ALDH1L1: variants seen among roughly 807,000 people sequenced by gnomAD.
The protein encoded by ALDH1L1 is aldehyde dehydrogenase 1 family member L1, also known as cytosolic 10-formyltetrahydrofolate dehydrogenase.
A neutral mutation model predicts 101.1 loss-of-function variants in ALDH1L1; 68 were observed. The ratio of observed to expected loss-of-function variants is 0.67; its 90% CI spans 0.55 to 0.82. ALDH1L1 has a LOEUF of 0.82. Ranked by LOEUF, ALDH1L1 falls within the 40% of genes least tolerant of loss-of-function variation. ALDH1L1 has a pLI of 0.00. For synonymous variants in ALDH1L1, 486 were observed against 470.8 expected, an observed-to-expected ratio of 1.03 and a Z score of -0.42; for missense variants, 1,087 against 1,172.7, an observed-to-expected ratio of 0.93 and a Z score of 1.07.
intron 22 of ALDH1L1, chr3:126,104,687 G>C (rs552780279): frequency 6.6e-6 from 1 of 152,472 alleles, no homozygotes; most frequent in African/African-American, 2.4e-5. Context: ...CTACACATGC[G>C]TGCATGTGAG....
In ALDH1L1 at chr3:126,112,710, C is replaced by G. The variant is rs778487163; in HGVS notation, c.2181+72G>C. On this transcript the variant is annotated intron_variant, in intron 19 of 22. Coordinates refer to ENST00000393434, the MANE Select transcript of ALDH1L1 (RefSeq NM_012190.4). ...ACTTGACCCTGCCCTGTCTCCCCTC[C>G]TCCAACCCCCTCCAGCCAGGCGCTG... 4.1e-6 allele frequency: 6 copies of G among 1,457,682 alleles called. No homozygotes were observed. In the East Asian group the frequency reaches 1.4e-4, roughly 33 times the overall value. The allele number at this position is 1,457,682 out of a possible 1,614,324, so 90.3% of individuals were successfully genotyped here.
In ALDH1L1 at chr3:126,173,934, C is replaced by G. The variant is rs116604168; in HGVS notation, c.-24+6542G>C. ...TCCTTAATATGTATGTGCCTAACAA[C>G]AGTGCTAAAATGTGTAAAGCAAAAA... On this transcript the variant is annotated intron_variant, in intron 1 of 22. Transcript: ENST00000393434. 5.0e-3 allele frequency among the ~76,000 whole-genome samples: 764 copies of G among 152,326 alleles called. 6 individuals carry two copies. Among genetic ancestry groups the G allele is most frequent in the African/African-American group, 0.017 (690 of 41,570 alleles).
chr3:126,132,937 A>G (rs1576440012), intron 12 of ALDH1L1, among the ~76,000 whole-genome samples: 1 of 152,352 alleles, frequency 6.6e-6, no homozygotes, highest in East Asian at 1.9e-4. Flanking sequence ...GAGCGAGGCC[A>G]CCCTGGGCAA....
rs1228776422 is a variant in ALDH1L1 at position 126,137,846 on chromosome 3, C to T, written c.1191G>A (p.Gly397=). ...FIQLLVRKLR[G]DDEEGECSID... ...TGCTGCACTCGCCCTCCTCATCGTCCCCTCGCAGCTTCCTCACTAACAGCT... is the reference window on the plus strand; with the variant it reads ...TGCTGCACTCGCCCTCCTCATCGTCTCCTCGCAGCTTCCTCACTAACAGCT... The change falls in exon 10 of 23, where the codon GGG becomes GGA. Residue 397 remains glycine, a synonymous_variant. Transcript: ENST00000393434. The T allele has an allele frequency of 3.1e-6, 5 of 1,614,178 alleles. No homozygotes were observed. Among genetic ancestry groups the T allele is most frequent in the Non-Finnish European group, 3.4e-6 (4 of 1,180,024 alleles).
intron 16 of ALDH1L1, among the ~76,000 whole-genome samples, chr3:126,118,619 GCA>G (rs376543968): frequency 1.1e-4 from 17 of 152,232 alleles, no homozygotes; most frequent in African/African-American, 2.2e-4. Flanking sequence ...GGTAGCCCAA[GCA>G]AATCAACCCA....
intron 1 of ALDH1L1, among the ~76,000 whole-genome samples, chr3:126,171,251 T>C (rs987289127): frequency 1.8e-4 from 27 of 152,202 alleles, no homozygotes; most frequent in African/African-American, 6.0e-4. Flanking sequence ...TGAGCCGAGA[T>C]GGCGCCACTG....
chr3:126,164,596 A>G (rs560636632), intron 1 of ALDH1L1, among the ~76,000 whole-genome samples: 1 of 152,354 alleles, frequency 6.6e-6, no homozygotes, highest in South Asian at 2.1e-4. Flanking sequence ...GTGTATATGT[A>G]CATTTTATTT....
rs1366787496 is a variant in ALDH1L1, at chr3:126,103,717, C to T, written c.*74G>A. ...AGCCCCCCAGGTGGGAGGTGCTGTG[C>T]ACCCAGGCTCAAGAGGGAGGGGGCC... is the stretch of plus-strand genomic sequence containing the variant. On this transcript the variant is annotated 3_prime_UTR_variant, in exon 23 of 23. Coordinates refer to ENST00000393434, the MANE Select transcript of ALDH1L1 (RefSeq NM_012190.4). The T allele has an allele frequency of 2.6e-6, 4 of 1,522,060 alleles. No individual in the cohort carries two copies. The Admixed American group carries it at 5.4e-5, about 21-fold the overall frequency. 94.3% of individuals were successfully genotyped at this position (1,522,060 alleles called of 1,614,324 possible). A position where few individuals can be genotyped will look rare whatever the true frequency, so the allele number is the denominator to read the frequency against.
rs2080788722 is a variant in ALDH1L1, at chr3:126,150,536, A to G, written c.859-5T>C. On this transcript the variant is annotated splice_polypyrimidine_tract_variant and splice_region_variant and intron_variant, in intron 7 of 22. Coordinates refer to ENST00000393434, the MANE Select transcript of ALDH1L1 (RefSeq NM_012190.4). ...CTGAATATTCTTCACCAGCAGCTGC[A>G]AAAGGAAGGATTTCTTTTCTTTTCT... The G allele has an allele frequency of 6.5e-7, 1 of 1,550,028 alleles. No homozygotes were observed. Among genetic ancestry groups the G allele is most frequent in the Non-Finnish European group, 8.7e-7 (1 of 1,146,364 alleles).
chr3:126,114,836 T>C (rs1280591136), intron 17 of ALDH1L1, 180 bp from the exon 18 acceptor site: 1 of 615,810 alleles, frequency 1.6e-6, no homozygotes, highest in Admixed American at 2.3e-5. Context: ...CTGCCTTTCC[T>C]TTCTGGCCTG....
upstream of ALDH1L1, among the ~76,000 whole-genome samples, chr3:126,184,381 C>T (rs1039540823): frequency 6.6e-6 from 1 of 152,178 alleles, no homozygotes; most frequent in Non-Finnish European, 1.5e-5. Flanking sequence ...CAGCACAGAC[C>T]ACACTCTAAT....
rs565726728 is a variant in ALDH1L1, at chr3:126,114,299, T to TAC, written c.2082+256_2082+257dup. ...TTCCCAATTTCATATTTATATGTAA[T>TAC]ACACACACACACATATGTTATAGGC... On this transcript the variant is annotated intron_variant, in intron 18 of 22. Transcript: ENST00000393434. Among the ~76,000 whole-genome samples, 20 of 152,178 alleles carry TAC rather than the reference T, an allele frequency of 1.3e-4. No homozygotes were observed. The East Asian group carries it at 2.5e-3, about 19-fold the overall frequency.
chr3:126,181,791 G>A (rs1377698606), upstream of ALDH1L1, among the ~76,000 whole-genome samples: 1 of 152,204 alleles, frequency 6.6e-6, no homozygotes, highest in African/African-American at 2.4e-5. Context: ...AATGTTTGTT[G>A]AATGGCTTAA....
chr3:126,117,494 A>G (rs2079994483), intron 17 of ALDH1L1, among the ~76,000 whole-genome samples: 1 of 151,788 alleles, frequency 6.6e-6, no homozygotes, highest in Non-Finnish European at 1.5e-5. Context: ...ATCTCTATGA[A>G]AAACACAAAA....
chr3:126,141,305 A>C (rs2080563297), intron 9 of ALDH1L1, among the ~76,000 whole-genome samples: 1 of 152,118 alleles, frequency 6.6e-6, no homozygotes, highest in Non-Finnish European at 1.5e-5. Flanking sequence ...TAGATGCCCA[A>C]CTTTCAAAAA....
intron 19 of ALDH1L1, 159 bp from the exon 20 acceptor site, chr3:126,110,268 G>A: frequency 3.2e-6 from 3 of 936,204 alleles, no homozygotes; most frequent in Non-Finnish European, 4.7e-6. Flanking sequence ...CACCTTCCAG[G>A]CTGAAATCCC....
chr3:126,114,810 G>A (rs754314963), intron 17 of ALDH1L1, 154 bp from the exon 18 acceptor site: 9 of 523,236 alleles, frequency 1.7e-5, no homozygotes, highest in African/African-American at 4.9e-5. Flanking sequence ...CACCCCTTGC[G>A]GCTTCACACG....
chr3:126,158,192 T>TAGCAACACCTGCTCCCAGTGCTC (rs2080956142), intron 3 of ALDH1L1, among the ~76,000 whole-genome samples: 1 of 152,068 alleles, frequency 6.6e-6, no homozygotes, highest in Non-Finnish European at 1.5e-5. Flanking sequence ...GCAGAGTGCT[T>TAGCAACACCTGCTCCCAGTGCTC]AGCAACACCT....
chr3:126,149,136 G>T (rs2080758108), intron 8 of ALDH1L1, among the ~76,000 whole-genome samples: 1 of 152,174 alleles, frequency 6.6e-6, no homozygotes, highest in South Asian at 2.1e-4. Context: ...CTGGAATAAA[G>T]TCTCTGTTCT....
Sources: gnomAD v4.1 joint callset for allele counts (sites outside exome capture counted in the v4.1 genomes callset) on GRCh38, gnomAD v4.1.1 for gene constraint, MANE v1.5 for transcripts, NCBI Gene and HGNC (gene_info 2026-07-23, HGNC 2026-07-21) for gene names.